Variants in DCLK3 observed in about 807,000 individuals in gnomAD.
DCLK3 encodes the protein serine/threonine-protein kinase DCLK3.
Under a neutral mutation model 46.4 loss-of-function variants are expected in DCLK3, and 30 were observed. That is an observed-to-expected ratio of 0.65 (90% CI 0.48 to 0.88). The LOEUF (loss-of-function observed/expected upper bound fraction) is 0.88. Ranked by LOEUF, DCLK3 falls within the 40% of genes least tolerant of loss-of-function variation. The pLI, the probability that DCLK3 is intolerant of heterozygous loss-of-function variation, is 0.00. For missense variants in DCLK3, 846 were observed against 907.1 expected (o/e 0.93, Z 0.87); for synonymous variants, 401 against 339.2 (o/e 1.18, Z -2.00).
chr3:36,756,101 G>A (rs1214826384), intron 1 of DCLK3, among the ~76,000 whole-genome samples: 1 of 152,214 alleles, frequency 6.6e-6, no homozygotes, highest in African/African-American at 2.4e-5. Flanking sequence ...GATTTGGGAG[G>A]TGATCTCAGA....
chr3:36,718,190 A>G lies in DCLK3; in HGVS notation c.2093-13T>C. ...TCCAGTCCATAACCTGCGCAGACAG[A>G]GGCAGAGACACAAGCAAACCTGAGA... On this transcript the variant is annotated splice_polypyrimidine_tract_variant and intron_variant, in intron 3 of 4. Transcript: ENST00000636136. The G allele has an allele frequency of 3.7e-6, 6 of 1,613,520 alleles. No homozygotes were observed. The highest frequency in any genetic ancestry group is 4.2e-6 in the Non-Finnish European group (5 of 1,179,902).
At chr3:36,718,248 T>C in intron 3 of DCLK3, 71 bp from the exon 4 acceptor site, 1 of 1,597,294 alleles carries the variant, frequency 6.3e-7, no homozygotes, top group Non-Finnish European at 8.6e-7. Flanking sequence ...AAATAAATGA[T>C]GGAGTATTGT....
In DCLK3 at chr3:36,723,395, G is replaced by A. The variant is rs199506065; in HGVS notation, c.1960-1736C>T. 6.7e-4 allele frequency among the ~76,000 whole-genome samples: 102 copies of A among 152,264 alleles called. No homozygotes were observed. The East Asian group carries it at 0.012, about 18-fold the overall frequency. ...CATTTTCCAAGGATAAATTAAAGCC[G>A]GCTGCAGAAATTTGCCTAAGTAATG... On this transcript the variant is annotated intron_variant, in intron 2 of 4. Transcript: ENST00000636136.
intron 2 of DCLK3, among the ~76,000 whole-genome samples, chr3:36,734,352 A>G (rs1049825326): frequency 6.6e-5 from 10 of 152,220 alleles, no homozygotes; most frequent in African/African-American, 2.4e-4. Context: ...AAGGATAAAC[A>G]TGTTTTATAA....
chr3:36,761,124 T>A (rs918468116), intron 1 of DCLK3, among the ~76,000 whole-genome samples: 3 of 152,238 alleles, frequency 2.0e-5, no homozygotes, highest in Admixed American at 6.5e-5. Context: ...ATGCAGCCAC[T>A]GATCTGGTGA....
chr3:36,747,381 A>C (rs1701402521), intron 1 of DCLK3, among the ~76,000 whole-genome samples: 1 of 152,078 alleles, frequency 6.6e-6, no homozygotes, highest in Admixed American at 6.5e-5. Flanking sequence ...AGAATGATAA[A>C]CTTGTAGAAG....
chr3:36,737,502 G>A lies in DCLK3; in HGVS notation c.1665C>T (p.Ile555=). The A allele has an allele frequency of 6.2e-7, 1 of 1,614,164 alleles. No individual in the cohort carries two copies. The highest frequency in any genetic ancestry group is 8.5e-7 in the Non-Finnish European group (1 of 1,180,020). The change falls in exon 2 of 5, where the codon ATC becomes ATT. Residue 555 remains isoleucine, a synonymous_variant. Coordinates refer to ENST00000636136, the MANE Select transcript of DCLK3 (RefSeq NM_001394672.2). This position sits in a 1 kb window ranked among gnomAD's most constrained non-coding sequence, Gnocchi z 4.4. ...TGCCCTTGAGTCTGGACTTGTCAAT[G>A]ATCTTCATCGCATAGGCCTGCCTGG... ...RETRQAYAMK[I]IDKSRLKGKE...
intron 1 of DCLK3, among the ~76,000 whole-genome samples, chr3:36,760,273 T>G (rs1307089865): frequency 6.6e-6 from 1 of 152,234 alleles, no homozygotes; most frequent in Non-Finnish European, 1.5e-5. Flanking sequence ...GGGAGTAGCC[T>G]AGGGCCTTGT....
intron 1 of DCLK3, chr3:36,739,683 C>G (rs1186643776): frequency 6.6e-6 from 1 of 152,330 alleles, no homozygotes; most frequent in Non-Finnish European, 1.5e-5. Flanking sequence ...TGCAAATTGC[C>G]CAGTCTCAGG....
chr3:36,763,094 C>T (rs1440268420), intron 1 of DCLK3, among the ~76,000 whole-genome samples: 2 of 152,218 alleles, frequency 1.3e-5, no homozygotes, highest in African/African-American at 4.8e-5. Context: ...TACACAGACA[C>T]TTCACAGCTC....
intron 2 of DCLK3, among the ~76,000 whole-genome samples, chr3:36,724,450 G>A (rs1701100591): frequency 1.3e-5 from 2 of 152,152 alleles, no homozygotes; most frequent in Non-Finnish European, 2.9e-5. Context: ...AGAATGATAT[G>A]GTTTGGCTGT....
Position 36,764,235 on chromosome 3 carries a change from G to T in DCLK3, c.29C>A (p.Pro10Gln). 3.2e-6 allele frequency: 1 copy of T among 309,640 alleles called. No homozygotes were observed. Among genetic ancestry groups the T allele is most frequent in the East Asian group, 5.0e-5 (1 of 19,850 alleles). The allele number at this position is 309,640 out of a possible 1,614,324, so 19.2% of individuals were successfully genotyped here. ...GGCTGGCCGGGCCGGGGGCGGCGGCGGCTGCGGGGCTGGAGTGGCGGCGGG... is the reference window on the plus strand; with the variant it reads ...GGCTGGCCGGGCCGGGGGCGGCGGCTGCTGCGGGGCTGGAGTGGCGGCGGG... MPAATPAPQ[P>Q]PPPPARPAPA... Residue 10 changes from proline (P) to glutamine (Q), a missense_variant, in exon 1 of 5, where the codon CCG becomes CAG. Pro to Gln is a moderately conservative substitution (Grantham distance 76). Around this residue, in one of 3 missense-constraint regions of DCLK3, gnomAD observed 553 missense variants for 543.0 expected, o/e 1.02. Coordinates refer to ENST00000636136, the MANE Select transcript of DCLK3 (RefSeq NM_001394672.2). The surrounding 1 kb of genome is among the most constrained non-coding windows in gnomAD (Gnocchi z 4.9).
chr3:36,722,587 G>A (rs764815195), intron 2 of DCLK3, among the ~76,000 whole-genome samples: 12 of 152,314 alleles, frequency 7.9e-5, no homozygotes, highest in South Asian at 4.1e-4. Context: ...CATGTTGTGA[G>A]GGGAACCCGG....
Position 36,738,683 on chromosome 3 carries a change from T to C in DCLK3, c.484A>G (p.Arg162Gly). The C allele has an allele frequency of 7.5e-7, 1 of 1,326,904 alleles. No individual in the cohort carries two copies. Among genetic ancestry groups the C allele is most frequent in the Non-Finnish European group, 9.7e-7 (1 of 1,030,920 alleles). 82.2% of individuals were successfully genotyped at this position (1,326,904 alleles called of 1,614,324 possible). A position where few individuals can be genotyped will look rare whatever the true frequency, so the allele number is the denominator to read the frequency against. Residue 162 changes from arginine to glycine, a missense_variant, in exon 2 of 5, where the codon AGG becomes GGG. Physicochemically the swap from Arg to Gly is moderately radical, Grantham distance 125. Coordinates refer to ENST00000636136, the MANE Select transcript of DCLK3 (RefSeq NM_001394672.2). ...ATAGCTATGAAAGCATCCCCTTCCC[T>C]GAAGAAATCAGAGACGCTCCTGATT... ...REIRSVSDFF[R>G]EGDAFIAMGK...
chr3:36,712,864 C>G lies in DCLK3; in HGVS notation c.*2464G>C, dbSNP rs1191409735. 3.3e-5 allele frequency: 5 copies of G among 152,170 alleles called. No homozygotes were observed. The highest frequency in any genetic ancestry group is 5.9e-5 in the Non-Finnish European group (4 of 68,036). The allele number at this position is 152,170 out of a possible 1,614,324, so 9.4% of individuals were successfully genotyped here. A position where few individuals can be genotyped will look rare whatever the true frequency, so the allele number is the denominator to read the frequency against. On this transcript the variant is annotated 3_prime_UTR_variant, in exon 5 of 5. Transcript: ENST00000636136. ...ATCATGCCCATTCAAGATGTTTCCA[C>G]TTTGGGGCTACTACAAATAAAGCAC...
chr3:36,738,144 A>G lies in DCLK3; in HGVS notation c.1023T>C (p.Tyr341=). The change falls in exon 2 of 5, where the codon TAT becomes TAC. Residue 341 remains tyrosine, a synonymous_variant. Transcript: ENST00000636136. ...TGGTCCTCACCAGCTTCTCCACATC[A>G]TACATTGGGCCCTTCCCCATATCCA... ...SELDMGKGPM[Y]DVEKLVRTRS... is the part of the protein sequence containing the mutation. 2 of 1,613,818 alleles carry G rather than the reference A, an allele frequency of 1.2e-6. No individual in the cohort carries two copies. The highest frequency in any genetic ancestry group is 3.3e-4 in the Middle Eastern group (2 of 6,062).
chr3:36,742,801 C>G (rs1183363246), intron 1 of DCLK3, among the ~76,000 whole-genome samples: 1 of 152,120 alleles, frequency 6.6e-6, no homozygotes, highest in African/African-American at 2.4e-5. Context: ...GGTCCATGGG[C>G]AGGGAGAGCA....
chr3:36,726,161 C>T (rs1313976337), intron 2 of DCLK3, among the ~76,000 whole-genome samples: 2 of 152,064 alleles, frequency 1.3e-5, no homozygotes, highest in Admixed American at 6.5e-5. Context: ...AAAGATGCAT[C>T]GGTGCCGCCT....
intron 2 of DCLK3, among the ~76,000 whole-genome samples, chr3:36,734,316 T>TATG (rs1389030626): frequency 2.0e-5 from 3 of 152,324 alleles, no homozygotes; most frequent in African/African-American, 7.2e-5. Flanking sequence ...GACATAACAA[T>TATG]ATGTTAAACT....
Sources: gnomAD v4.1 joint callset for allele counts (sites outside exome capture counted in the v4.1 genomes callset) on GRCh38, gnomAD v4.1.1 for gene constraint, gnomAD v4.1.1 regional missense constraint, Gnocchi (gnomAD v3.1) non-coding constraint, MANE v1.5 for transcripts, NCBI Gene and HGNC (gene_info 2026-07-23, HGNC 2026-07-21) for gene names.